Variants in TJP1 observed in about 807,000 individuals in gnomAD.
The protein encoded by TJP1 is tight junction protein ZO-1.
In TJP1, 43 loss-of-function variants were observed where a neutral mutation model predicts 194.2. The ratio of observed to expected loss-of-function variants is 0.22; its 90% CI spans 0.17 to 0.29. The LOEUF is 0.29. Among genes scored for constraint, TJP1 ranks in the 10% least tolerant of loss-of-function variants. The probability of loss-of-function intolerance (pLI) is 1.00; values close to 1 mark genes in which losing one functional copy is unlikely to be tolerated. For missense variants in TJP1, 1,971 were observed against 2,185.7 expected, an observed-to-expected ratio of 0.90 and a Z score of 1.96; for synonymous variants, 801 against 779.0, an observed-to-expected ratio of 1.03 and a Z score of -0.47.
chr15:29,826,596 C>T (rs2050683696), upstream of TJP1, among the ~76,000 whole-genome samples: 1 of 152,224 alleles, frequency 6.6e-6, no homozygotes, highest in Non-Finnish European at 1.5e-5. Context: ...CCATCTTCCC[C>T]CCAAGGGTTA....
chr15:29,783,676 G>A (rs916613771), intron 2 of TJP1, among the ~76,000 whole-genome samples: 3 of 152,184 alleles, frequency 2.0e-5, no homozygotes, highest in African/African-American at 7.2e-5. Context: ...GGTGGAATGG[G>A]AGGCCATCAT....
chr15:29,703,260 G>A (rs1001275661), intron 27 of TJP1, among the ~76,000 whole-genome samples: 1 of 152,022 alleles, frequency 6.6e-6, no homozygotes, highest in Non-Finnish European at 1.5e-5. Flanking sequence ...AACCAGCCTG[G>A]CCAACATGGT....
In TJP1 at chr15:29,700,375, C is replaced by A. The variant is rs753668889; in HGVS notation, c.*1220G>T. 2.6e-4 allele frequency: 103 copies of A among 398,724 alleles called. No individual in the cohort carries two copies. The highest frequency in any genetic ancestry group is 4.0e-4 in the Non-Finnish European group (91 of 226,008). The allele number at this position is 398,724 out of a possible 1,614,324, so 24.7% of individuals were successfully genotyped here. A position where few individuals can be genotyped will look rare whatever the true frequency, so the allele number is the denominator to read the frequency against. On this transcript the variant is annotated 3_prime_UTR_variant, in exon 28 of 28. Transcript: ENST00000614355. Reference sequence around the variant, plus strand: ...TAGGGATACTTTGCAAGAATTTAATCAAACTAGAGAATTCTGAGTAACTGT... The same window carrying A: ...TAGGGATACTTTGCAAGAATTTAATAAAACTAGAGAATTCTGAGTAACTGT...
At position 29,718,739 on chromosome 15, in the gene TJP1, G is replaced by A; in HGVS notation, c.3403C>T (p.Pro1135Ser). 1 of 1,614,130 alleles carries A rather than the reference G, an allele frequency of 6.2e-7. No individual in the cohort carries two copies. Among genetic ancestry groups the A allele is most frequent in the Non-Finnish European group, 8.5e-7 (1 of 1,180,038 alleles). The change falls in exon 21 of 28, where the codon CCA (proline) becomes TCA (serine). Residue 1135 changes from proline to serine, a missense_variant. Coordinates refer to ENST00000614355, the MANE Select transcript of TJP1 (RefSeq NM_001330239.4). ...CTGCTGTCGTAAGACAGAGGGGCTGGCTCTTCAAAACGTGGAAAGTACCCT... is the reference window on the plus strand; with the variant it reads ...CTGCTGTCGTAAGACAGAGGGGCTGACTCTTCAAAACGTGGAAAGTACCCT... Reference protein sequence around the residue: ...ERGYFPRFEEPAPLSYDSRPR... With the variant: ...ERGYFPRFEESAPLSYDSRPR...
At chr15:29,752,172 G>A (rs1026638258) in intron 8 of TJP1, among the ~76,000 whole-genome samples, 6 of 151,412 alleles carry the variant, frequency 4.0e-5, no homozygotes, top group Non-Finnish European at 7.4e-5. Flanking sequence ...GCATGATCTC[G>A]GCTCACTGCA....
chr15:29,865,998 T>C (rs1230808464), intron 2 of TJP1, among the ~76,000 whole-genome samples: 1 of 152,144 alleles, frequency 6.6e-6, no homozygotes, highest in Non-Finnish European at 1.5e-5. Context: ...CAGAAATAAA[T>C]CTGCAATTAA....
At chr15:29,752,457 C>T (rs1304921923) in intron 8 of TJP1, among the ~76,000 whole-genome samples, 1 of 152,108 alleles carries the variant, frequency 6.6e-6, no homozygotes, top group African/African-American at 2.4e-5. Context: ...TGCCTTTCTG[C>T]TATTTGATCC....
In TJP1 at chr15:29,737,255, C is replaced by T. The variant is rs1473166697; in HGVS notation, c.1407+9G>A. 1 of 1,612,804 alleles carries T rather than the reference C, an allele frequency of 6.2e-7. No homozygotes were observed. ...TTTTTAACCCACATAAGTTGCAATA[C>T]TGACATACCCTGAGAATTTGATCAC... is the stretch of plus-strand genomic sequence containing the variant. On this transcript the variant is annotated intron_variant, in intron 11 of 27. Coordinates refer to ENST00000614355, the MANE Select transcript of TJP1 (RefSeq NM_001330239.4).
intron 2 of TJP1, among the ~76,000 whole-genome samples, chr15:29,920,571 C>T (rs1274822625): frequency 6.6e-6 from 1 of 152,352 alleles, no homozygotes; most frequent in African/African-American, 2.4e-5. Flanking sequence ...CCCTTCCAAA[C>T]GCTGCAATCT....
At chr15:29,843,076 A>G (rs2051283994) in intron 2 of TJP1, among the ~76,000 whole-genome samples, 1 of 152,194 alleles carries the variant, frequency 6.6e-6, no homozygotes, top group African/African-American at 2.4e-5. Context: ...AAAAATGCTC[A>G]TTTTGTAACC....
Position 29,841,324 on chromosome 15 carries a change from A to G in TJP1, c.307-40622T>C, listed in dbSNP as rs2051216983. 2.0e-5 allele frequency among the ~76,000 whole-genome samples: 3 copies of G among 152,210 alleles called. No homozygotes were observed. In the South Asian group the frequency reaches 6.2e-4, roughly 32 times the overall value. On this transcript the variant is annotated intron_variant, in intron 2 of 28. Transcript: ENST00000356107. ...CAGAAATTCAGGGGGAAAATATTTC[A>G]GCAAAAATATTTAACCCACTGAAAA... is the stretch of plus-strand genomic sequence containing the variant.
intron 5 of TJP1, 53 bp from the exon 6 acceptor site, chr15:29,762,491 A>G (rs947952052): frequency 2.3e-6 from 3 of 1,317,342 alleles, no homozygotes; most frequent in Non-Finnish European, 3.2e-6. Flanking sequence ...ACACCTAAAT[A>G]GATTTTACAA....
At chr15:29,876,353 C>G (rs1464440042) in intron 2 of TJP1, among the ~76,000 whole-genome samples, 8 of 152,092 alleles carry the variant, frequency 5.3e-5, no homozygotes. Flanking sequence ...AACTCCGTCT[C>G]TACTAAAAAT....
intron 1 of TJP1, among the ~76,000 whole-genome samples, chr15:29,809,214 T>C (rs1451014333): frequency 9.2e-5 from 14 of 152,196 alleles, no homozygotes; most frequent in Admixed American, 6.5e-5. Flanking sequence ...AAAATGGTAA[T>C]ATTTTGGATA....
chr15:29,956,368 C>A (rs1215328236), intron 1 of TJP1: 1 of 1,282,110 alleles, frequency 7.8e-7, no homozygotes, highest in Non-Finnish European at 1.0e-6. Context: ...CGTTACCCTG[C>A]AAGAAAGAAA....
At chr15:29,703,375 T>A (rs1049651101) in intron 27 of TJP1, among the ~76,000 whole-genome samples, 6 of 151,874 alleles carry the variant, frequency 4.0e-5, no homozygotes, top group Admixed American at 3.3e-4. Context: ...GAGGCGAAGG[T>A]TGCAGTGAGC....
At chr15:29,852,133 T>C (rs1463199810) in intron 2 of TJP1, among the ~76,000 whole-genome samples, 1 of 152,196 alleles carries the variant, frequency 6.6e-6, no homozygotes, top group East Asian at 1.9e-4. Context: ...CTGGACATCA[T>C]CAAAATTAAA....
At chr15:29,799,224 ATAAGG>A (rs1348032028) in intron 2 of TJP1, among the ~76,000 whole-genome samples, 7 of 152,188 alleles carry the variant, frequency 4.6e-5, no homozygotes, top group African/African-American at 1.4e-4. Flanking sequence ...GCCACTAGTC[ATAAGG>A]TAAGAAGTTA....
At chr15:29,943,901 T>C (rs557132219) in intron 2 of TJP1, among the ~76,000 whole-genome samples, 3 of 151,638 alleles carry the variant, frequency 2.0e-5, no homozygotes, top group East Asian at 2.0e-4. Context: ...TGAGCCAAGA[T>C]TGTGCCACTG....
Sources: allele counts gnomAD v4.1 joint callset (sites outside exome capture counted in the v4.1 genomes callset), GRCh38; gene constraint gnomAD v4.1.1; transcripts MANE v1.5; gene names NCBI Gene and HGNC (gene_info 2026-07-23, HGNC 2026-07-21).